CNTNAP2: variants seen among roughly 807,000 people sequenced by gnomAD.
CNTNAP2 encodes contactin-associated protein-like 2.
Under a neutral mutation model 155.2 loss-of-function variants are expected in CNTNAP2, and 98 were observed. That is an observed-to-expected ratio of 0.63 (90% CI 0.54 to 0.75). The LOEUF is 0.75. CNTNAP2 is among the 30% of genes least tolerant of loss of function. The probability of loss-of-function intolerance (pLI) is 0.00; values close to 1 mark genes in which losing one functional copy is unlikely to be tolerated. For synonymous variants in CNTNAP2, 651 were observed against 631.2 expected (o/e 1.03, Z -0.47); for missense variants, 1,727 against 1,688.1 (o/e 1.02, Z -0.40).
chr7:148,271,482 A>T lies in CNTNAP2; in HGVS notation c.3475+4356A>T, dbSNP rs7788197. ...CCCCAGTTGAAAACCACAGGCTTCA[A>T]GCTACTCAGCGAGTCAGCGGTGACG... On this transcript the variant is annotated intron_variant, in intron 21 of 23. Coordinates refer to ENST00000361727, the MANE Select transcript of CNTNAP2 (RefSeq NM_014141.6). Among the ~76,000 whole-genome samples the T allele has an allele frequency of 4.6e-5, 7 of 152,300 alleles. No individual in the cohort carries two copies. The South Asian group carries it at 1.4e-3, about 32-fold the overall frequency.
At chr7:147,203,682 T>G (rs1354581026) in intron 8 of CNTNAP2, among the ~76,000 whole-genome samples, 1 of 152,196 alleles carries the variant, frequency 6.6e-6, no homozygotes, top group Non-Finnish European at 1.5e-5. Context: ...GCTTTTGCAT[T>G]AATATTACCA....
intron 8 of CNTNAP2, among the ~76,000 whole-genome samples, chr7:147,164,542 A>G (rs1454316465): frequency 6.6e-6 from 1 of 152,204 alleles, no homozygotes; most frequent in African/African-American, 2.4e-5. Context: ...ACCATAAGAG[A>G]TAGTTAACAT....
chr7:147,976,719 A>G (rs978618902), intron 14 of CNTNAP2, among the ~76,000 whole-genome samples: 1 of 152,160 alleles, frequency 6.6e-6, no homozygotes, highest in African/African-American at 2.4e-5. Flanking sequence ...TCCACACTGC[A>G]TAGCATTTTC....
rs181852889 is a variant in CNTNAP2, at chr7:146,299,130, G to T, written c.97+182157G>T. On this transcript the variant is annotated intron_variant, in intron 1 of 23. Transcript: ENST00000361727. ...CTACTAAAAATACAAAATTAGCCAG[G>T]TGTGGTGGCATGTGCCTGTAATCCC... is the stretch of plus-strand genomic sequence containing the variant. 3.2e-3 allele frequency among the ~76,000 whole-genome samples: 487 copies of T among 152,160 alleles called. 4 individuals are homozygous for T. Among genetic ancestry groups the T allele is most frequent in the African/African-American group, 0.011 (472 of 41,534 alleles).
chr7:146,550,973 T>C (rs1345937007), intron 1 of CNTNAP2, among the ~76,000 whole-genome samples: 2 of 151,984 alleles, frequency 1.3e-5, no homozygotes, highest in South Asian at 2.1e-4. Flanking sequence ...AATAATACCA[T>C]GTTGACAGGC....
chr7:147,588,078 T>A (rs1800666642), intron 12 of CNTNAP2, among the ~76,000 whole-genome samples: 1 of 152,146 alleles, frequency 6.6e-6, no homozygotes, highest in Non-Finnish European at 1.5e-5. Flanking sequence ...AGCAGGTTAC[T>A]CAGAACTATT....
At chr7:146,937,308 G>A (rs991799818) in intron 3 of CNTNAP2, among the ~76,000 whole-genome samples, 3 of 149,468 alleles carry the variant, frequency 2.0e-5, no homozygotes, top group African/African-American at 4.9e-5. Flanking sequence ...CTGTGATCAC[G>A]CCACTGCACT....
intron 6 of CNTNAP2, chr7:147,122,024 A>G (rs1801125357): frequency 6.6e-6 from 1 of 152,056 alleles, no homozygotes; most frequent in South Asian, 2.1e-4. Context: ...AAAAATACAA[A>G]AATTAGCTGG....
chr7:146,914,107 G>A (rs971392350), intron 3 of CNTNAP2, among the ~76,000 whole-genome samples: 3 of 151,878 alleles, frequency 2.0e-5, no homozygotes, highest in Admixed American at 6.6e-5. Flanking sequence ...CTTTTTAAAA[G>A]TAATGTTTTT....
chr7:147,253,737 T>C (rs191620406), intron 8 of CNTNAP2, among the ~76,000 whole-genome samples: 2 of 152,350 alleles, frequency 1.3e-5, no homozygotes, highest in Admixed American at 6.5e-5. Context: ...TGCTGCTGCA[T>C]GATGCTCATC....
At chr7:147,788,524 A>G (rs1269291137) in intron 13 of CNTNAP2, among the ~76,000 whole-genome samples, 2 of 152,220 alleles carry the variant, frequency 1.3e-5, no homozygotes, top group Non-Finnish European at 2.9e-5. Context: ...TTTGTTGCTC[A>G]AAGTCATGCC....
In CNTNAP2 at chr7:146,151,635, GATATATATATATATATATATAT is replaced by G. The variant is rs1226681385; in HGVS notation, c.97+34687_97+34708del. ...ACTGATGAATGGACAAAGAAAACGT[GATATATATATATATATATATAT>G]ATATATATATATATATATATATATG... is the stretch of plus-strand genomic sequence containing the variant. On this transcript the variant is annotated intron_variant, in intron 1 of 23. Transcript: ENST00000361727. 5.2e-4 allele frequency among the ~76,000 whole-genome samples: 19 copies of G among 36,408 alleles called. 1 individual carries two copies. The highest frequency in any genetic ancestry group is 2.6e-3 in the Admixed American group (6 of 2,332). 23.9% of individuals were successfully genotyped at this position (36,408 alleles called of 152,430 possible).
At chr7:147,444,609 G>T (rs768134189) in intron 10 of CNTNAP2, among the ~76,000 whole-genome samples, 2 of 145,900 alleles carry the variant, frequency 1.4e-5, no homozygotes. Context: ...TTTTTAGGTT[G>T]TTGGAATTAC....
chr7:147,090,233 C>A (rs960277690), intron 4 of CNTNAP2, among the ~76,000 whole-genome samples: 1 of 151,950 alleles, frequency 6.6e-6, no homozygotes, highest in Non-Finnish European at 1.5e-5. Flanking sequence ...TATTTCAAAT[C>A]AATTAGACAA....
intron 1 of CNTNAP2, among the ~76,000 whole-genome samples, chr7:146,186,623 G>A (rs1233163510): frequency 6.6e-6 from 1 of 151,976 alleles, no homozygotes; most frequent in Non-Finnish European, 1.5e-5. Flanking sequence ...ACTTTCTGTT[G>A]CCTTTATATA....
At chr7:148,183,157 G>A (rs546002781) in intron 18 of CNTNAP2, among the ~76,000 whole-genome samples, 2 of 152,322 alleles carry the variant, frequency 1.3e-5, no homozygotes, top group South Asian at 4.1e-4. Flanking sequence ...GGCTGGGAAT[G>A]CAATGGAGGG....
intron 3 of CNTNAP2, among the ~76,000 whole-genome samples, chr7:146,916,249 G>T (rs1362101168): frequency 6.6e-6 from 1 of 152,012 alleles, no homozygotes; most frequent in African/African-American, 2.4e-5. Context: ...TTTTGCATCT[G>T]TGTTCATTAA....
In CNTNAP2 at chr7:148,229,786, A is replaced by G. The variant is rs747095024; in HGVS notation, c.3381+7A>G. The G allele has an allele frequency of 3.1e-6, 5 of 1,614,022 alleles. No individual in the cohort carries two copies. The highest frequency in any genetic ancestry group is 4.2e-6 in the Non-Finnish European group (5 of 1,179,962). On this transcript the variant is annotated splice_region_variant and intron_variant, in intron 20 of 23. Coordinates refer to ENST00000361727, the MANE Select transcript of CNTNAP2 (RefSeq NM_014141.6). ...GAAGACCATCTTTCTCAAGGTATAC[A>G]TACATGTACATATAAATTACATATA...
In CNTNAP2 at chr7:147,045,693, CAT is replaced by C. The variant is rs567286537; in HGVS notation, c.550+1641_550+1642del. 1.2e-3 allele frequency among the ~76,000 whole-genome samples: 184 copies of C among 152,218 alleles called. 1 individual carries two copies. Among genetic ancestry groups the C allele is most frequent in the African/African-American group, 4.1e-3 (170 of 41,544 alleles). ...TCATGAACAGAGTGTCATGTTCACA[CAT>C]AGTCTTGCTCTCAGCATAGCATCAT... is the stretch of plus-strand genomic sequence containing the variant. On this transcript the variant is annotated intron_variant, in intron 4 of 23. Coordinates refer to ENST00000361727, the MANE Select transcript of CNTNAP2 (RefSeq NM_014141.6).
Sources: allele counts gnomAD v4.1 joint callset (sites outside exome capture counted in the v4.1 genomes callset), GRCh38; gene constraint gnomAD v4.1.1; transcripts MANE v1.5; gene names NCBI Gene and HGNC (gene_info 2026-07-23, HGNC 2026-07-21).